Variants in PHACTR2 observed in about 807,000 individuals in gnomAD.
The protein encoded by PHACTR2 is chromosome 6 open reading frame 56.
In PHACTR2, 30 loss-of-function variants were observed where a neutral mutation model predicts 76.0. That is an observed-to-expected ratio of 0.39 (90% CI 0.30 to 0.54). PHACTR2 has a LOEUF of 0.54. PHACTR2 is among the 20% of genes least tolerant of loss of function. PHACTR2 has a pLI of 0.61. For synonymous variants in PHACTR2, 292 were observed against 292.5 expected (o/e 1.00, Z 0.02); for missense variants, 696 against 781.1 (o/e 0.89, Z 1.30).
At position 143,738,207 on chromosome 6, in the gene PHACTR2, C is replaced by T. The variant is rs1582826883; in HGVS notation, c.215-10778C>T. Among the ~76,000 whole-genome samples, 1 of 152,090 alleles carries T rather than the reference C, an allele frequency of 6.6e-6. No homozygotes were observed. The highest frequency in any genetic ancestry group is 2.1e-4 in the South Asian group (1 of 4,824). Reference sequence around the variant, plus strand: ...CAGGCGGATCACAAGGTCAGGAGTTCGAAACCAGTGGGGGGCGCCTGTAAT... The same window carrying T: ...CAGGCGGATCACAAGGTCAGGAGTTTGAAACCAGTGGGGGGCGCCTGTAAT... On this transcript the variant is annotated intron_variant, in intron 2 of 12. Coordinates refer to ENST00000440869, the MANE Select transcript of PHACTR2 (RefSeq NM_001100164.2). This position sits in a 1 kb window ranked among gnomAD's most constrained non-coding sequence, Gnocchi z 4.0.
In PHACTR2 at chr6:143,684,231, T is replaced by C. The variant is rs538414187; in HGVS notation, c.46+6022T>C. On this transcript the variant is annotated intron_variant, in intron 1 of 12. Coordinates refer to ENST00000440869, the MANE Select transcript of PHACTR2 (RefSeq NM_001100164.2). The surrounding 1 kb of genome is among the most constrained non-coding windows in gnomAD (Gnocchi z 4.3). ...CTTGCTGGGCATCCCAGAGGTAACA[T>C]GGATCTAATGGAAGGTTTGATTTTG... Among the ~76,000 whole-genome samples, 26 of 152,280 alleles carry C rather than the reference T, an allele frequency of 1.7e-4. No homozygotes were observed. The highest frequency in any genetic ancestry group is 3.4e-3 in the Middle Eastern group (1 of 294).
At chr6:143,727,319 A>G (rs933404792) in intron 2 of PHACTR2, among the ~76,000 whole-genome samples, 1 of 151,906 alleles carries the variant, frequency 6.6e-6, no homozygotes, top group South Asian at 2.1e-4. Flanking sequence ...ACAGCATTCC[A>G]TTGTGTGTAC....
chr6:143,640,176 T>C (rs1004989890), intron 1 of PHACTR2, among the ~76,000 whole-genome samples: 2 of 152,206 alleles, frequency 1.3e-5, no homozygotes, highest in African/African-American at 4.8e-5. Context: ...CACATATAAT[T>C]ATGTACAGTG....
Position 143,645,610 on chromosome 6 carries a change from G to C in PHACTR2, c.13+37288G>C, listed in dbSNP as rs1582731627. Among the ~76,000 whole-genome samples the C allele has an allele frequency of 2.0e-5, 3 of 152,116 alleles. No individual in the cohort carries two copies. In the East Asian group the frequency reaches 5.8e-4, roughly 29 times the overall value. On this transcript the variant is annotated intron_variant, in intron 1 of 11. Coordinates refer to the PHACTR2 transcript ENST00000305766. The stretch of plus-strand genomic sequence containing the variant: ...TTATTGATAGGTGAATTGCTCATAG[G>C]AAGAGAAAAATTTAAGTGACTATAT...
At chr6:143,790,766 T>C (rs1266043617) in intron 11 of PHACTR2, among the ~76,000 whole-genome samples, 1 of 151,466 alleles carries the variant, frequency 6.6e-6, no homozygotes, top group Non-Finnish European at 1.5e-5. Context: ...CTCCACCTCC[T>C]GTGTTCACGC....
rs545811052 is a variant in PHACTR2 at position 143,632,168 on chromosome 6, CA to C, written c.13+23848del. Reference sequence around the variant, plus strand: ...AGTACATCAACTACAAGGAGAGCCTCAAGCTGCCTTTTTTGTTTTCCCTATC... The same window carrying C: ...AGTACATCAACTACAAGGAGAGCCTCAGCTGCCTTTTTTGTTTTCCCTATC... On this transcript the variant is annotated intron_variant, in intron 1 of 11. Coordinates refer to the PHACTR2 transcript ENST00000305766. 5.9e-5 allele frequency among the ~76,000 whole-genome samples: 9 copies of C among 152,308 alleles called. No individual in the cohort carries two copies. In the South Asian group the frequency reaches 1.9e-3, roughly 32 times the overall value.
intron 1 of PHACTR2, among the ~76,000 whole-genome samples, chr6:143,642,095 A>G (rs1169801834): frequency 6.6e-6 from 1 of 152,184 alleles, no homozygotes; most frequent in Non-Finnish European, 1.5e-5. Flanking sequence ...TTTCCATTCC[A>G]CATACTATAG....
intron 2 of PHACTR2, among the ~76,000 whole-genome samples, chr6:143,747,011 G>T (rs575199513): frequency 6.6e-6 from 1 of 152,100 alleles, no homozygotes; most frequent in Non-Finnish European, 1.5e-5. Flanking sequence ...AAAGCTGTTC[G>T]TTGTCATTCT....
rs1246643336 is a variant in PHACTR2, at chr6:143,753,019, T to C, written c.296-735T>C. 1.3e-5 allele frequency among the ~76,000 whole-genome samples: 2 copies of C among 152,078 alleles called. No individual in the cohort carries two copies. The highest frequency in any genetic ancestry group is 2.4e-5 in the African/African-American group (1 of 41,444). The stretch of plus-strand genomic sequence containing the variant: ...AGATCTCTCAACATTGTATCCATTA[T>C]GGTTTTTTAAAATTCCTTTGTGATT... On this transcript the variant is annotated intron_variant, in intron 3 of 12. Transcript: ENST00000440869. The surrounding 1 kb of genome is among the most constrained non-coding windows in gnomAD (Gnocchi z 4.6).
At chr6:143,768,527 ATAGTCT>A (rs1350853098) in intron 6 of PHACTR2, among the ~76,000 whole-genome samples, 1 of 152,224 alleles carries the variant, frequency 6.6e-6, no homozygotes, top group Non-Finnish European at 1.5e-5. Flanking sequence ...GTTTCCTGAT[ATAGTCT>A]TAAACACTCA....
rs1775114026 is a variant in PHACTR2, at chr6:143,553,038, A to T, written c.217+15831A>T. Reference sequence around the variant, plus strand: ...TATTTAAGGAGTGAAATGAGCAATGATGTTTCATCCAGATGCTTAAACATG... The same window carrying T: ...TATTTAAGGAGTGAAATGAGCAATGTTGTTTCATCCAGATGCTTAAACATG... On this transcript the variant is annotated intron_variant, in intron 1 of 11. Transcript: ENST00000367584. This position sits in a 1 kb window ranked among gnomAD's most constrained non-coding sequence, Gnocchi z 4.2. 1.3e-5 allele frequency among the ~76,000 whole-genome samples: 2 copies of T among 152,240 alleles called. No homozygotes were observed.
At position 143,689,900 on chromosome 6, in the gene PHACTR2, T is replaced by G. The variant is rs1453939884; in HGVS notation, c.46+11691T>G. 6.6e-6 allele frequency among the ~76,000 whole-genome samples: 1 copy of G among 152,114 alleles called. No homozygotes were observed. The highest frequency in any genetic ancestry group is 6.6e-5 in the Admixed American group (1 of 15,252). On this transcript the variant is annotated intron_variant, in intron 1 of 12. Transcript: ENST00000440869. The surrounding 1 kb of genome is among the most constrained non-coding windows in gnomAD (Gnocchi z 4.4). ...TAGCGACAGGGTTTCGCCAGGCTGG[T>G]CTTGGCAATCTGGTCTTGAACTTCT...
rs1448419798 is a variant in PHACTR2 at position 143,592,225 on chromosome 6, A to G, written c.217+55018A>G. The stretch of plus-strand genomic sequence containing the variant: ...ATTTACAGCTTTTAAATATTTAGGC[A>G]TATGGGATGGGGGCTTCCATTTGTG... On this transcript the variant is annotated intron_variant, in intron 1 of 11. Coordinates refer to the PHACTR2 transcript ENST00000367584. This position sits in a 1 kb window ranked among gnomAD's most constrained non-coding sequence, Gnocchi z 4.0. Among the ~76,000 whole-genome samples, 1 of 152,324 alleles carries G rather than the reference A, an allele frequency of 6.6e-6. No homozygotes were observed. Among genetic ancestry groups the G allele is most frequent in the South Asian group, 2.1e-4 (1 of 4,828 alleles).
In PHACTR2 at chr6:143,807,769, C is replaced by A. The variant is rs1435728070; in HGVS notation, c.1922+636C>A. Among the ~76,000 whole-genome samples the A allele has an allele frequency of 6.6e-6, 1 of 152,180 alleles. No individual in the cohort carries two copies. Among genetic ancestry groups the A allele is most frequent in the Non-Finnish European group, 1.5e-5 (1 of 68,046 alleles). Reference sequence around the variant, plus strand: ...ATCGCTATCATCTTACCATTTTTCCCTCAGTCCCTTTCGGTTTCTTTCACA... The same window carrying A: ...ATCGCTATCATCTTACCATTTTTCCATCAGTCCCTTTCGGTTTCTTTCACA... On this transcript the variant is annotated intron_variant, in intron 12 of 12. Coordinates refer to ENST00000440869, the MANE Select transcript of PHACTR2 (RefSeq NM_001100164.2). This position sits in a 1 kb window ranked among gnomAD's most constrained non-coding sequence, Gnocchi z 5.5.
chr6:143,677,664 C>T (rs190410654), upstream of PHACTR2, among the ~76,000 whole-genome samples: 20 of 152,346 alleles, frequency 1.3e-4, 1 homozygote, highest in East Asian at 3.9e-3. Context: ...AAGGAAATAA[C>T]TTTTAAGAAA....
chr6:143,629,883 G>A (rs1430247415), intron 1 of PHACTR2, among the ~76,000 whole-genome samples: 1 of 152,094 alleles, frequency 6.6e-6, no homozygotes, highest in Non-Finnish European at 1.5e-5. Flanking sequence ...TCATTGCTGG[G>A]AACAACCTGT....
In PHACTR2 at chr6:143,764,581, T is replaced by C. The variant is rs1456602730; in HGVS notation, c.695-680T>C. Among the ~76,000 whole-genome samples, 1 of 152,074 alleles carries C rather than the reference T, an allele frequency of 6.6e-6. No homozygotes were observed. Among genetic ancestry groups the C allele is most frequent in the East Asian group, 1.9e-4 (1 of 5,186 alleles). ...AGGTTTTGTAAACAACAAGTTTTTTTCTGGCCTTTTGATGCTTTGAAGGGA... is the reference window on the plus strand; with the variant it reads ...AGGTTTTGTAAACAACAAGTTTTTTCCTGGCCTTTTGATGCTTTGAAGGGA... On this transcript the variant is annotated intron_variant, in intron 5 of 12. Coordinates refer to ENST00000440869, the MANE Select transcript of PHACTR2 (RefSeq NM_001100164.2). This position sits in a 1 kb window ranked among gnomAD's most constrained non-coding sequence, Gnocchi z 4.7.
Position 143,543,616 on chromosome 6 carries a change from G to A in PHACTR2, c.217+6409G>A, listed in dbSNP as rs1450701969. On this transcript the variant is annotated intron_variant, in intron 1 of 11. Transcript: ENST00000367584. This position sits in a 1 kb window ranked among gnomAD's most constrained non-coding sequence, Gnocchi z 4.7. ...GGAACTGAAAGATGGAGTTGGGTTG[G>A]GGAGGAAGAGTGTTTGGGGATGGGA... Among the ~76,000 whole-genome samples, 3 of 152,200 alleles carry A rather than the reference G, an allele frequency of 2.0e-5. No individual in the cohort carries two copies. The highest frequency in any genetic ancestry group is 4.4e-5 in the Non-Finnish European group (3 of 68,036).
chr6:143,560,798 A>C (rs545172578), intron 1 of PHACTR2, among the ~76,000 whole-genome samples: 1 of 152,108 alleles, frequency 6.6e-6, no homozygotes, highest in Non-Finnish European at 1.5e-5. Context: ...GCTTGGGTGC[A>C]CAGATGAGAG....
Sources: allele counts gnomAD v4.1 joint callset (sites outside exome capture counted in the v4.1 genomes callset), GRCh38; gene constraint gnomAD v4.1.1; non-coding constraint Gnocchi (gnomAD v3.1); transcripts MANE v1.5; gene names NCBI Gene and HGNC (gene_info 2026-07-23, HGNC 2026-07-21).